Variants in TMEM62 observed in about 807,000 individuals in gnomAD.
TMEM62 encodes transmembrane protein 62.
In TMEM62, 41 loss-of-function variants were observed where a neutral mutation model predicts 70.4. That is an observed-to-expected ratio of 0.58 (90% CI 0.45 to 0.76). The LOEUF (loss-of-function observed/expected upper bound fraction) is 0.76. TMEM62 is among the 30% of genes least tolerant of loss of function. The pLI is 0.00. For missense variants in TMEM62, 688 were observed against 788.5 expected (o/e 0.87, Z 1.53); for synonymous variants, 268 against 291.0 (o/e 0.92, Z 0.80).
chr15:43,172,174 AT>A (rs1348111978), intron 11 of TMEM62, among the ~76,000 whole-genome samples: 1 of 152,168 alleles, frequency 6.6e-6, no homozygotes, highest in Non-Finnish European at 1.5e-5. Context: ...ATGTTTCAGT[AT>A]TTTATCTTAC....
At position 43,138,637 on chromosome 15, in the gene TMEM62, A is replaced by G; in HGVS notation, c.476+18A>G. 6.3e-7 allele frequency: 1 copy of G among 1,579,274 alleles called. No individual in the cohort carries two copies. Among genetic ancestry groups the G allele is most frequent in the South Asian group, 1.1e-5 (1 of 89,046 alleles). On this transcript the variant is annotated intron_variant, in intron 4 of 13. Transcript: ENST00000260403. ...TATTACAGGTACTGTAATAAACAGA[A>G]GACAGACCACTATGTAGAGTCAGTG...
At chr15:43,172,734 G>A (rs898165054) in intron 11 of TMEM62, among the ~76,000 whole-genome samples, 2 of 151,982 alleles carry the variant, frequency 1.3e-5, no homozygotes, top group Non-Finnish European at 1.5e-5. Context: ...ATTTACTTAA[G>A]TCACATGAAC....
chr15:43,135,578 C>G lies in TMEM62; in HGVS notation c.359C>G (p.Thr120Ser), dbSNP rs2035096377. ...GSRQHEVEWQ[T>S]YQGILKKTRV... ...AGGCAGCATGAGGTAGAATGGCAAA[C>G]CTACCAGGGTATTCTGAAGAAGACA... The change falls in exon 3 of 14, where the codon ACC becomes AGC. Residue 120 changes from threonine (T) to serine (S), a missense_variant. Coordinates refer to ENST00000260403, the MANE Select transcript of TMEM62 (RefSeq NM_024956.4). 6 of 1,611,296 alleles carry G rather than the reference C, an allele frequency of 3.7e-6. No individual in the cohort carries two copies. The East Asian group carries it at 8.9e-5, about 24-fold the overall frequency.
intron 9 of TMEM62, 184 bp from the exon 10 acceptor site, chr15:43,160,497 A>G (rs2038565345): frequency 1.9e-6 from 1 of 528,586 alleles, no homozygotes; most frequent in Admixed American, 3.4e-5. Flanking sequence ...GCTAGCTATG[A>G]TTGCACCACT....
At chr15:43,153,686 G>A (rs576008589) in intron 8 of TMEM62, among the ~76,000 whole-genome samples, 354 of 143,602 alleles carry the variant, frequency 2.5e-3, no homozygotes, top group Admixed American at 3.2e-3. Context: ...GTGTGTGTGT[G>A]TATATACACA....
Position 43,146,592 on chromosome 15 carries a change from A to G in TMEM62, c.576A>G (p.Pro192=). ...SFICVDATVN[P]GPKRPYNFFG... ...TCTGTGTAGATGCCACTGTAAATCC[A>G]GGGCCTAAGAGACCCTATAATTTCT... Residue 192 remains proline, a synonymous_variant, in exon 5 of 14, where the codon CCA becomes CCG. Transcript: ENST00000260403. 6.2e-7 allele frequency: 1 copy of G among 1,613,188 alleles called. No individual in the cohort carries two copies. Among genetic ancestry groups the G allele is most frequent in the Non-Finnish European group, 8.5e-7 (1 of 1,179,594 alleles).
At chr15:43,152,984 C>G (rs16957464) in intron 8 of TMEM62, among the ~76,000 whole-genome samples, 2,091 of 152,238 alleles carry the variant, frequency 0.014, 40 homozygotes, top group African/African-American at 0.048. Context: ...ACAGTCTATT[C>G]TAATTCCTGA....
chr15:43,135,692 T>A, intron 3 of TMEM62, 43 bp downstream of exon 3: 1 of 1,529,110 alleles, frequency 6.5e-7, no homozygotes, highest in Non-Finnish European at 8.7e-7. Context: ...AGAGTTTTTT[T>A]CCCCCTTCAG....
chr15:43,172,642 C>T (rs1480697647), intron 11 of TMEM62, among the ~76,000 whole-genome samples: 28 of 152,046 alleles, frequency 1.8e-4, no homozygotes, highest in Admixed American at 1.8e-3. Context: ...GATCAGTAAA[C>T]CCAGGCAAAA....
Position 43,133,661 on chromosome 15 carries a change from C to A in TMEM62, c.-142C>A. ...GCACCCTAGGCCCAGTGTCTGGCTCCAGCCCCGCATCCGGCGCCGGCCCCG... is the reference window on the plus strand; with the variant it reads ...GCACCCTAGGCCCAGTGTCTGGCTCAAGCCCCGCATCCGGCGCCGGCCCCG... On this transcript the variant is annotated 5_prime_UTR_variant, in exon 1 of 14. Transcript: ENST00000260403. 1.8e-6 allele frequency: 1 copy of A among 565,950 alleles called. No individual in the cohort carries two copies. The highest frequency in any genetic ancestry group is 2.6e-6 in the Non-Finnish European group (1 of 379,102). The allele number at this position is 565,950 out of a possible 1,614,324, so 35.1% of individuals were successfully genotyped here.
intron 7 of TMEM62, 107 bp from the exon 8 acceptor site, chr15:43,151,683 T>C: frequency 1.1e-6 from 1 of 920,966 alleles, no homozygotes; most frequent in African/African-American, 1.7e-5. Context: ...AAATTAATCA[T>C]GTAAAAAAGT....
In TMEM62 at chr15:43,134,269, C is replaced by A. The variant is rs752647496; in HGVS notation, c.193C>A (p.His65Asn). ...IFWGLQISDI[H>N]LSRFRDPGRA... is the part of the protein sequence containing the mutation. ...CTGTTTTCGGCAGATATCCGACATT[C>A]ACCTGAGCAGGTTTCGAGATCCAGG... The change falls in exon 2 of 14, where the codon CAC (histidine) becomes AAC (asparagine). Residue 65 changes from histidine to asparagine, a missense_variant. By Grantham distance (68) the His-to-Asn change is moderately conservative (BLOSUM62 1). Transcript: ENST00000260403. The A allele has an allele frequency of 6.2e-6, 10 of 1,614,146 alleles. No individual in the cohort carries two copies. The highest frequency in any genetic ancestry group is 8.5e-6 in the Non-Finnish European group (10 of 1,179,986).
rs199805109 is a variant in TMEM62, at chr15:43,169,633, C to T, written c.1337C>T (p.Thr446Ile). The T allele has an allele frequency of 4.4e-4, 712 of 1,613,950 alleles. No homozygotes were observed. The highest frequency in any genetic ancestry group is 5.6e-4 in the Non-Finnish European group (660 of 1,179,984). Residue 446 changes from threonine (T) to isoleucine (I), a missense_variant, in exon 11 of 14, where the codon ACC (threonine) becomes ATC (isoleucine). Physicochemically the swap from Thr to Ile is moderately conservative, Grantham distance 89. Coordinates refer to ENST00000260403, the MANE Select transcript of TMEM62 (RefSeq NM_024956.4). The stretch of plus-strand genomic sequence containing the variant: ...GTGCTGATTGTGCTGAGCCAGCTCA[C>T]CATTCTCATTATTTTTAGATATCGA... ...LFVLIVLSQL[T>I]ILIIFRYRGY...
chr15:43,152,278 A>T (rs1343354796), intron 8 of TMEM62, among the ~76,000 whole-genome samples: 1 of 152,154 alleles, frequency 6.6e-6, no homozygotes, highest in Admixed American at 6.5e-5. Context: ...ACTTTTTAAA[A>T]TTTGCATTAT....
intron 4 of TMEM62, 63 bp from the exon 5 acceptor site, chr15:43,146,430 G>A (rs1170452641): frequency 6.7e-7 from 1 of 1,495,862 alleles, no homozygotes; most frequent in African/African-American, 1.4e-5. Flanking sequence ...AGCGTATTAG[G>A]GAAGGAATTT....
At chr15:43,163,558 G>A (rs978760602) in intron 10 of TMEM62, among the ~76,000 whole-genome samples, 7 of 151,948 alleles carry the variant, frequency 4.6e-5, no homozygotes, top group African/African-American at 9.7e-5. Flanking sequence ...TGAGGCGGGC[G>A]GATCACGAGG....
rs374464982 is a variant in TMEM62, at chr15:43,148,893, C to T, written c.743+14C>T. On this transcript the variant is annotated intron_variant, in intron 6 of 13. Transcript: ENST00000260403. ...GTCAATAATGAGGTGAGACAAGCTTCCAAAATCAGAATTAATTTGTTTTTA... is the reference window on the plus strand; with the variant it reads ...GTCAATAATGAGGTGAGACAAGCTTTCAAAATCAGAATTAATTTGTTTTTA... The T allele has an allele frequency of 1.2e-4, 191 of 1,605,434 alleles. 2 individuals carry two copies. The South Asian group carries it at 1.2e-3, about 10-fold the overall frequency.
chr15:43,135,672 A>G, intron 3 of TMEM62, 23 bp downstream of exon 3: 1 of 1,557,076 alleles, frequency 6.4e-7, no homozygotes, highest in South Asian at 1.2e-5. Context: ...AGCCAGATAC[A>G]ATAAAGACAA....
At chr15:43,141,697 T>C (rs987726371) in intron 4 of TMEM62, among the ~76,000 whole-genome samples, 3 of 152,212 alleles carry the variant, frequency 2.0e-5, no homozygotes, top group Non-Finnish European at 4.4e-5. Context: ...ATGTGGGCAG[T>C]CAATTGAAAA....
Sources: allele counts gnomAD v4.1 joint callset (sites outside exome capture counted in the v4.1 genomes callset), GRCh38; gene constraint gnomAD v4.1.1; transcripts MANE v1.5; gene names NCBI Gene and HGNC (gene_info 2026-07-23, HGNC 2026-07-21).